GNPDA2: variants seen among roughly 807,000 people sequenced by gnomAD.
The protein encoded by GNPDA2 is glcN6P deaminase 2.
A neutral mutation model predicts 27.0 loss-of-function variants in GNPDA2; 24 were observed. That is an observed-to-expected ratio of 0.89 (90% CI 0.64 to 1.25). GNPDA2 has a LOEUF of 1.25. Ranked by LOEUF, GNPDA2 falls within the 50% of genes most tolerant of loss-of-function variation. The pLI, the probability that GNPDA2 is intolerant of heterozygous loss-of-function variation, is 0.00. For synonymous variants in GNPDA2, 94 were observed against 108.4 expected (o/e 0.87, Z 0.83); for missense variants, 286 against 335.1 (o/e 0.85, Z 1.14).
At chr4:44,706,414 T>C (rs561645987) in intron 6 of GNPDA2, 3 of 152,012 alleles carry the variant, frequency 2.0e-5, no homozygotes, top group Admixed American at 6.6e-5. Flanking sequence ...TCATGAAACA[T>C]AAGTACAAAT....
chr4:44,722,476 G>A (rs979560728), intron 1 of GNPDA2, among the ~76,000 whole-genome samples: 3 of 152,154 alleles, frequency 2.0e-5, no homozygotes, highest in Admixed American at 1.3e-4. Context: ...GGTCATTTAA[G>A]TATAGTTAGC....
chr4:44,720,157 A>G lies in GNPDA2; in HGVS notation c.125-1747T>C, dbSNP rs1278164433. Among the ~76,000 whole-genome samples, 3 of 152,154 alleles carry G rather than the reference A, an allele frequency of 2.0e-5. No individual in the cohort carries two copies. The East Asian group carries it at 5.8e-4, about 29-fold the overall frequency. On this transcript the variant is annotated intron_variant, in intron 2 of 6. Transcript: ENST00000295448. ...AGATGGAGCGGGAGGTTCAACGATG[A>G]CATCTGTCTACCATGTGGCTAGATG...
In GNPDA2 at chr4:44,718,333, T is replaced by C; in HGVS notation, c.202A>G (p.Thr68Ala). The C allele has an allele frequency of 1.5e-6, 2 of 1,317,126 alleles. No homozygotes were observed. The highest frequency in any genetic ancestry group is 1.4e-5 in the South Asian group (1 of 73,782). The allele number at this position is 1,317,126 out of a possible 1,614,324, so 81.6% of individuals were successfully genotyped here. A position where few individuals can be genotyped will look rare whatever the true frequency, so the allele number is the denominator to read the frequency against. The stretch of plus-strand genomic sequence containing the variant: ...CCTACATATTCATCCATATTAAAGG[T>C]CTTCACATATTTAAAAGAAAGGTGT... Reference protein sequence around the residue: ...NGHLSFKYVKTFNMDEYVGLP... With the variant: ...NGHLSFKYVKAFNMDEYVGLP... The change falls in exon 3 of 7, where the codon ACC (threonine) becomes GCC (alanine). Residue 68 changes from threonine to alanine, a missense_variant. Transcript: ENST00000295448.
At chr4:44,714,308 T>C in intron 4 of GNPDA2, 3 of 985,266 alleles carry the variant, frequency 3.0e-6, no homozygotes, top group Non-Finnish European at 3.6e-6. Context: ...CATGTTTGTA[T>C]ATCTTATTGC....
chr4:44,720,480 T>A lies in GNPDA2; in HGVS notation c.124+1604A>T, dbSNP rs1292975892. Among the ~76,000 whole-genome samples the A allele has an allele frequency of 2.0e-5, 3 of 152,072 alleles. No individual in the cohort carries two copies. In the South Asian group the frequency reaches 6.2e-4, roughly 32 times the overall value. ...GTCAAATATGCCTAGCCCAGTTCTG[T>A]GTAAGGAGATGGTGGGAATAAGTTT... is the stretch of plus-strand genomic sequence containing the variant. On this transcript the variant is annotated intron_variant, in intron 2 of 6. Coordinates refer to ENST00000295448, the MANE Select transcript of GNPDA2 (RefSeq NM_138335.3).
At chr4:44,722,493 T>C (rs983103265) in intron 1 of GNPDA2, among the ~76,000 whole-genome samples, 2 of 152,178 alleles carry the variant, frequency 1.3e-5, no homozygotes, top group Admixed American at 1.3e-4. Flanking sequence ...TAGCCTTCTG[T>C]GGATTCCATA....
At chr4:44,724,529 C>T (rs1033182171) in intron 1 of GNPDA2, among the ~76,000 whole-genome samples, 104 of 152,028 alleles carry the variant, frequency 6.8e-4, no homozygotes, top group African/African-American at 2.5e-3. Flanking sequence ...ATTTACTGAA[C>T]ATTCTGTAAT....
chr4:44,703,440 G>A (rs1234390115), intron 6 of GNPDA2: 12 of 1,116,276 alleles, frequency 1.1e-5, no homozygotes, highest in Middle Eastern at 3.8e-4. Flanking sequence ...TGACAAATTT[G>A]AATACTGACT....
intron 6 of GNPDA2, chr4:44,705,355 G>C: frequency 1.0e-6 from 1 of 984,916 alleles, no homozygotes; most frequent in Non-Finnish European, 1.2e-6. Context: ...AGCCCAGAAT[G>C]TCTAAATTCT....
chr4:44,723,816 C>A (rs1014074705), intron 1 of GNPDA2, among the ~76,000 whole-genome samples: 2 of 152,066 alleles, frequency 1.3e-5, no homozygotes, highest in Admixed American at 1.3e-4. Context: ...TGGGAGTGGG[C>A]CCAAGCAAGC....
chr4:44,707,564 A>G (rs1227846952), intron 6 of GNPDA2, 188 bp downstream of exon 6: 1 of 444,660 alleles, frequency 2.2e-6, no homozygotes, highest in Non-Finnish European at 4.0e-6. Flanking sequence ...TTCATGAAAA[A>G]AAAAAAAAGG....
In GNPDA2 at chr4:44,702,623, A is replaced by T; in HGVS notation, c.*458T>A. On this transcript the variant is annotated 3_prime_UTR_variant, in exon 7 of 7. Coordinates refer to ENST00000295448, the MANE Select transcript of GNPDA2 (RefSeq NM_138335.3). Reference sequence around the variant, plus strand: ...GATGACTAAGGCAACCACGTGCAGAAAAGCATGTGTGTGATGCACAGAAAA... The same window carrying T: ...GATGACTAAGGCAACCACGTGCAGATAAGCATGTGTGTGATGCACAGAAAA... The T allele has an allele frequency of 1.0e-6, 1 of 1,002,860 alleles. No individual in the cohort carries two copies. Among genetic ancestry groups the T allele is most frequent in the Non-Finnish European group, 1.2e-6 (1 of 842,074 alleles). 62.1% of individuals were successfully genotyped at this position (1,002,860 alleles called of 1,614,324 possible). A position where few individuals can be genotyped will look rare whatever the true frequency, so the allele number is the denominator to read the frequency against.
At chr4:44,723,355 A>G (rs1717798353) in intron 1 of GNPDA2, among the ~76,000 whole-genome samples, 1 of 152,134 alleles carries the variant, frequency 6.6e-6, no homozygotes, top group African/African-American at 2.4e-5. Context: ...TATCACCTGA[A>G]TAATGTACAA....
chr4:44,720,936 G>A (rs1007452566), intron 2 of GNPDA2, among the ~76,000 whole-genome samples: 1 of 151,990 alleles, frequency 6.6e-6, no homozygotes, highest in African/African-American at 2.4e-5. Flanking sequence ...GTTATTAACA[G>A]AGGTAGGCTG....
chr4:44,717,697 T>A (rs1433876589), intron 3 of GNPDA2, among the ~76,000 whole-genome samples: 1 of 151,940 alleles, frequency 6.6e-6, no homozygotes, highest in Non-Finnish European at 1.5e-5. Context: ...TAAGTAGCCA[T>A]TCAAGTGAAA....
intron 1 of GNPDA2, among the ~76,000 whole-genome samples, chr4:44,724,837 A>G (rs1379069644): frequency 1.3e-5 from 2 of 152,242 alleles, no homozygotes; most frequent in African/African-American, 4.8e-5. Context: ...TTTACAGAAA[A>G]TAAATTACAT....
At chr4:44,723,894 C>T (rs114071668) in intron 1 of GNPDA2, among the ~76,000 whole-genome samples, 2,076 of 152,144 alleles carry the variant, frequency 0.014, 23 homozygotes, top group Middle Eastern at 0.031. Flanking sequence ...TATCGGTTAC[C>T]CCTTATCTGC....
chr4:44,704,608 T>G, intron 6 of GNPDA2: 1 of 788,160 alleles, frequency 1.3e-6, no homozygotes, highest in Non-Finnish European at 1.5e-6. Flanking sequence ...ATATTTACTG[T>G]GACTTTAGGT....
chr4:44,713,121 G>A (rs1717074048), intron 4 of GNPDA2, among the ~76,000 whole-genome samples: 3 of 152,138 alleles, frequency 2.0e-5, no homozygotes, highest in Admixed American at 2.0e-4. Context: ...GGTCAGCTCG[G>A]TATAGTTTAT....
Sources: allele counts gnomAD v4.1 joint callset (sites outside exome capture counted in the v4.1 genomes callset), GRCh38; gene constraint gnomAD v4.1.1; transcripts MANE v1.5; gene names NCBI Gene and HGNC (gene_info 2026-07-23, HGNC 2026-07-21).